Variants in SNX3 observed in about 807,000 individuals in gnomAD.
The protein encoded by SNX3 is sorting nexin-3.
SNX3 carries 5 observed loss-of-function variants against 17.7 expected under a neutral mutation model. That is an observed-to-expected ratio of 0.28 (90% CI 0.15 to 0.59). The LOEUF (loss-of-function observed/expected upper bound fraction) is 0.59. Among genes scored for constraint, SNX3 ranks in the 20% least tolerant of loss-of-function variants. SNX3 has a pLI of 0.88. For missense variants in SNX3, 132 were observed against 206.8 expected (o/e 0.64, Z 2.22); for synonymous variants, 91 against 76.5 (o/e 1.19, Z -0.99).
Position 108,214,620 on chromosome 6 carries a change from G to T in SNX3, c.261C>A (p.Val87=). 2 of 1,609,380 alleles carry T rather than the reference G, an allele frequency of 1.2e-6. No individual in the cohort carries two copies. Among genetic ancestry groups the T allele is most frequent in the South Asian group, 1.1e-5 (1 of 90,044 alleles). The part of the protein sequence containing the change: ...LRSELERESK[V]VVPPLPGKAF... ...CTTTCCCAGGGAGCGGGGGAACTAC[G>T]ACCTAAAATGTGAAGACAGAAACTC... Residue 87 remains valine, a splice_region_variant and synonymous_variant, in exon 3 of 4, where the codon GTC becomes GTA. Coordinates refer to ENST00000230085, the MANE Select transcript of SNX3 (RefSeq NM_003795.6).
intron 1 of SNX3, among the ~76,000 whole-genome samples, chr6:108,249,912 G>C (rs781356346): frequency 6.6e-6 from 1 of 152,178 alleles, no homozygotes; most frequent in South Asian, 2.1e-4. Context: ...ATAGCCTCAT[G>C]ATATTTTTTA....
intron 1 of SNX3, among the ~76,000 whole-genome samples, chr6:108,235,846 G>A (rs900776604): frequency 5.3e-5 from 8 of 152,162 alleles, no homozygotes; most frequent in East Asian, 3.9e-4. Flanking sequence ...CTGATACCAC[G>A]CACTGCACTC....
At chr6:108,253,828 T>C (rs933519087) in intron 1 of SNX3, among the ~76,000 whole-genome samples, 5 of 152,088 alleles carry the variant, frequency 3.3e-5, no homozygotes, top group African/African-American at 1.2e-4. Flanking sequence ...GGGATGCTTT[T>C]TAAACCACCA....
chr6:108,260,938 C>G lies in SNX3; in HGVS notation c.-17G>C, dbSNP rs764111559. The G allele has an allele frequency of 6.5e-7, 1 of 1,549,872 alleles. No individual in the cohort carries two copies. The highest frequency in any genetic ancestry group is 8.7e-7 in the Non-Finnish European group (1 of 1,149,714). ...CTCCGCCATTTCGCTGTAGCTGCTG[C>G]CGCCGCCGCGGGCTCCCTCCGCCCC... On this transcript the variant is annotated 5_prime_UTR_variant, in exon 1 of 4. Transcript: ENST00000230085.
chr6:108,250,186 C>T (rs1313538608), intron 1 of SNX3, among the ~76,000 whole-genome samples: 2 of 152,174 alleles, frequency 1.3e-5, no homozygotes, highest in African/African-American at 4.8e-5. Context: ...GCTGGAATTA[C>T]AGGAGTGAGC....
intron 1 of SNX3, among the ~76,000 whole-genome samples, chr6:108,236,545 G>C (rs1445305479): frequency 6.6e-6 from 1 of 151,078 alleles, no homozygotes; most frequent in Non-Finnish European, 1.5e-5. Flanking sequence ...CACTACGCCC[G>C]GCTAATTTTT....
rs1774848845 is a variant in SNX3 at position 108,222,990 on chromosome 6, T to C, written c.218A>G (p.Asp73Gly). The C allele has an allele frequency of 6.2e-7, 1 of 1,610,012 alleles. No homozygotes were observed. The highest frequency in any genetic ancestry group is 8.5e-7 in the Non-Finnish European group (1 of 1,177,708). ...TAATTCACTTCGCAGCCATTCAAAG[T>C]CACTGTATCTTCTTCTAACAGTAGA... ...KESTVRRRYS[D>G]FEWLRSELER... The change falls in exon 2 of 4, where the codon GAC (aspartate) becomes GGC (glycine). Residue 73 changes from aspartate (D) to glycine (G), a missense_variant. This residue lies in a region of SNX3 where 54 missense variants were observed against 118.0 expected (regional missense o/e 0.46). Transcript: ENST00000230085.
intron 2 of SNX3, 70 bp downstream of exon 2, chr6:108,222,880 T>G (rs1582474705): frequency 1.1e-6 from 1 of 905,670 alleles, no homozygotes; most frequent in East Asian, 2.5e-5. Flanking sequence ...CAATATCATT[T>G]TCCTGAGAAA....
intron 1 of SNX3, among the ~76,000 whole-genome samples, chr6:108,259,091 T>G (rs1776112691): frequency 6.6e-6 from 1 of 152,218 alleles, no homozygotes; most frequent in Non-Finnish European, 1.5e-5. Flanking sequence ...GGAAGTTCTT[T>G]TTAGTGAACC....
intron 1 of SNX3, among the ~76,000 whole-genome samples, chr6:108,257,207 A>G (rs1776056383): frequency 6.6e-6 from 1 of 152,346 alleles, no homozygotes; most frequent in East Asian, 1.9e-4. Flanking sequence ...GAGAGCAGCA[A>G]CATTTAGAAA....
Position 108,257,590 on chromosome 6 carries a change from TA to T in SNX3, c.162+3169del, listed in dbSNP as rs774964436. On this transcript the variant is annotated intron_variant, in intron 1 of 3. Transcript: ENST00000230085. ...CCTTAATGCAAGACTATAATTACTC[TA>T]AAAAATCATATGCTGCTCAAATAAG... is the stretch of plus-strand genomic sequence containing the variant. Among the ~76,000 whole-genome samples, 4 of 152,202 alleles carry T rather than the reference TA, an allele frequency of 2.6e-5. No homozygotes were observed. The East Asian group carries it at 5.8e-4, about 22-fold the overall frequency.
At chr6:108,255,086 G>A (rs1392787705) in intron 1 of SNX3, among the ~76,000 whole-genome samples, 1 of 152,164 alleles carries the variant, frequency 6.6e-6, no homozygotes, top group Non-Finnish European at 1.5e-5. Flanking sequence ...TCCCTTAACA[G>A]AACAGAATCC....
chr6:108,237,681 C>G (rs1257953782), intron 1 of SNX3, among the ~76,000 whole-genome samples: 3 of 151,708 alleles, frequency 2.0e-5, no homozygotes, highest in Admixed American at 1.3e-4. Flanking sequence ...TCCAGCTACT[C>G]AGGAGGCTGA....
At chr6:108,226,901 T>G (rs1395826334) in intron 1 of SNX3, among the ~76,000 whole-genome samples, 4 of 152,188 alleles carry the variant, frequency 2.6e-5, no homozygotes, top group African/African-American at 9.7e-5. Context: ...AGCACTTGAA[T>G]TTTCTTTCCC....
At chr6:108,233,229 A>G (rs1475168176) in intron 1 of SNX3, among the ~76,000 whole-genome samples, 3 of 152,224 alleles carry the variant, frequency 2.0e-5, no homozygotes, top group Admixed American at 6.5e-5. Flanking sequence ...TCAATGAGTA[A>G]TCTCTAATGA....
intron 1 of SNX3, among the ~76,000 whole-genome samples, chr6:108,243,719 G>A (rs1227994463): frequency 5.3e-5 from 8 of 152,160 alleles, no homozygotes; most frequent in African/African-American, 1.4e-4. Context: ...GATCACCTGA[G>A]GTCGAGAGTT....
chr6:108,217,904 T>C (rs1352697985), intron 2 of SNX3, among the ~76,000 whole-genome samples: 1 of 151,962 alleles, frequency 6.6e-6, no homozygotes, highest in Non-Finnish European at 1.5e-5. Flanking sequence ...CTGACCATAA[T>C]ACATGTCAGC....
intron 1 of SNX3, among the ~76,000 whole-genome samples, chr6:108,230,541 G>C (rs1387917482): frequency 1.3e-5 from 2 of 152,174 alleles, no homozygotes; most frequent in African/African-American, 2.4e-5. Context: ...GAACCAAAAA[G>C]TAAGCCACAG....
chr6:108,241,935 A>G (rs999973957), intron 1 of SNX3, among the ~76,000 whole-genome samples: 1 of 152,238 alleles, frequency 6.6e-6, no homozygotes, highest in Admixed American at 6.5e-5. Flanking sequence ...AACCATGCTT[A>G]AAGAACTGAA....
Sources: gnomAD v4.1 joint callset for allele counts (sites outside exome capture counted in the v4.1 genomes callset) on GRCh38, gnomAD v4.1.1 for gene constraint, gnomAD v4.1.1 regional missense constraint, MANE v1.5 for transcripts, NCBI Gene and HGNC (gene_info 2026-07-23, HGNC 2026-07-21) for gene names.